Variants in ZNF578 observed in about 807,000 individuals in gnomAD.
ZNF578 encodes zinc finger protein 578.
A neutral mutation model predicts 8.3 loss-of-function variants in ZNF578; 8 were observed. That is an observed-to-expected ratio of 0.96 (90% confidence interval 0.56 to 1.74). The LOEUF (loss-of-function observed/expected upper bound fraction) is 1.74. Ranked by LOEUF, ZNF578 falls within the 40% of genes most tolerant of loss-of-function variation. The pLI is 0.00. For synonymous variants in ZNF578, 206 were observed against 232.2 expected (o/e 0.89, Z 1.03); for missense variants, 726 against 707.5 (o/e 1.03, Z -0.30).
At chr19:52,498,213 G>T (rs1194493430) in intron 3 of ZNF578, among the ~76,000 whole-genome samples, 2 of 152,090 alleles carry the variant, frequency 1.3e-5, no homozygotes, top group East Asian at 3.9e-4. Context: ...CTGGAGTGCA[G>T]TGACATGATC....
chr19:52,488,182 C>A (rs960838967), intron 2 of ZNF578, among the ~76,000 whole-genome samples: 1 of 152,024 alleles, frequency 6.6e-6, no homozygotes, highest in Admixed American at 6.5e-5. Flanking sequence ...TAACTCCCAT[C>A]CTCAAGTGAT....
intron 1 of ZNF578, 91 bp downstream of exon 1, chr19:52,453,698 C>T (rs1011376997): frequency 6.6e-6 from 1 of 152,168 alleles, no homozygotes; most frequent in African/African-American, 2.4e-5. Flanking sequence ...AAAATCCTCC[C>T]GCCGTTCCCT....
chr19:52,460,626 GTGC>G (rs2059254924), intron 2 of ZNF578, among the ~76,000 whole-genome samples: 1 of 152,158 alleles, frequency 6.6e-6, no homozygotes, highest in Non-Finnish European at 1.5e-5. Flanking sequence ...TTCCTTTGAA[GTGC>G]AAAAACTTTA....
chr19:52,471,026 A>T (rs573077292), intron 2 of ZNF578, among the ~76,000 whole-genome samples: 1 of 152,016 alleles, frequency 6.6e-6, no homozygotes, highest in South Asian at 2.1e-4. Flanking sequence ...TGTGGCACCT[A>T]CCCCCACCCA....
At position 52,510,564 on chromosome 19, in the gene ZNF578, T is replaced by G. The variant is rs775075770; in HGVS notation, c.191-8T>G. ...AATTGCAAACGTATTGGTGTTTATA[T>G]TTTGTAGATATCTCTTCCAAACGCA... On this transcript the variant is annotated splice_region_variant and splice_polypyrimidine_tract_variant and intron_variant, in intron 5 of 5. Coordinates refer to ENST00000421239, the MANE Select transcript of ZNF578 (RefSeq NM_001099694.2). 6 of 1,520,910 alleles carry G rather than the reference T, an allele frequency of 3.9e-6. No individual in the cohort carries two copies. The highest frequency in any genetic ancestry group is 5.3e-6 in the Non-Finnish European group (6 of 1,136,708). 94.2% of individuals were successfully genotyped at this position (1,520,910 alleles called of 1,614,324 possible).
At chr19:52,491,157 G>A (rs1178363360) in intron 2 of ZNF578, among the ~76,000 whole-genome samples, 167 bp from the exon 3 acceptor site, 3 of 152,046 alleles carry the variant, frequency 2.0e-5, no homozygotes, top group East Asian at 3.9e-4. Flanking sequence ...ACATGTAATC[G>A]CCCTTTATTT....
Position 52,488,496 on chromosome 19 carries a change from C to T in ZNF578, c.-121-2828C>T, listed in dbSNP as rs769266248. On this transcript the variant is annotated intron_variant, in intron 2 of 5. Transcript: ENST00000421239. ...TGGTGGCGGGCTCCTGTAGTCCCAG[C>T]TACTCAGGAGGCTGAGGCAGGAGAA... Among the ~76,000 whole-genome samples, 6 of 151,914 alleles carry T rather than the reference C, an allele frequency of 3.9e-5. 1 individual carries two copies. Among genetic ancestry groups the T allele is most frequent in the South Asian group, 2.1e-4 (1 of 4,830 alleles).
chr19:52,484,928 T>C (rs2059339709), intron 2 of ZNF578, among the ~76,000 whole-genome samples: 1 of 145,976 alleles, frequency 6.9e-6, no homozygotes, highest in South Asian at 2.3e-4. Flanking sequence ...AAAGCCTGTT[T>C]GGTGGTCTCT....
chr19:52,475,530 T>G (rs900302383), intron 2 of ZNF578, among the ~76,000 whole-genome samples: 1 of 152,102 alleles, frequency 6.6e-6, no homozygotes, highest in African/African-American at 2.4e-5. Flanking sequence ...CTAATTTTTT[T>G]GTATTTTTAG....
chr19:52,499,689 G>GTTTTTTTTTTTTTTTTTTTTTTTTTT (rs66824085), intron 3 of ZNF578, among the ~76,000 whole-genome samples: 16 of 141,590 alleles, frequency 1.1e-4, no homozygotes, highest in African/African-American at 3.2e-4. Flanking sequence ...CTTCCAAATC[G>GTTTTTTTTTTTTTTTTTTTTTTTTTT]TTTTTTTTTT....
intron 2 of ZNF578, among the ~76,000 whole-genome samples, chr19:52,477,093 A>G (rs1159211831): frequency 6.6e-6 from 1 of 152,192 alleles, no homozygotes; most frequent in Non-Finnish European, 1.5e-5. Context: ...ATTGGAGTCA[A>G]CTACTCCAGG....
chr19:52,469,089 T>C (rs1223852351), intron 2 of ZNF578, among the ~76,000 whole-genome samples: 1 of 152,106 alleles, frequency 6.6e-6, no homozygotes, highest in African/African-American at 2.4e-5. Context: ...CTTTTATATA[T>C]ACATGTATCC....
chr19:52,495,410 A>G (rs2059382399), intron 3 of ZNF578, among the ~76,000 whole-genome samples: 1 of 147,682 alleles, frequency 6.8e-6, no homozygotes. Context: ...AGATCGCACC[A>G]TTGTACTTCA....
At chr19:52,487,573 G>A (rs1179414325) in intron 2 of ZNF578, among the ~76,000 whole-genome samples, 1 of 152,134 alleles carries the variant, frequency 6.6e-6, no homozygotes, top group African/African-American at 2.4e-5. Context: ...CCTAGGATGA[G>A]GAGGGCAAGG....
chr19:52,495,386 G>C (rs934324457), intron 3 of ZNF578, among the ~76,000 whole-genome samples: 2 of 147,174 alleles, frequency 1.4e-5, no homozygotes, highest in African/African-American at 5.0e-5. Flanking sequence ...GGAGGCAGAG[G>C]TTGTGGTGAG....
chr19:52,457,626 G>T (rs1240672066), intron 2 of ZNF578: 1 of 151,934 alleles, frequency 6.6e-6, no homozygotes, highest in African/African-American at 2.4e-5. Context: ...CAGTCTTAAT[G>T]TACACAGTAG....
intron 3 of ZNF578, among the ~76,000 whole-genome samples, chr19:52,498,522 G>C (rs1334420565): frequency 6.6e-6 from 1 of 151,702 alleles, no homozygotes; most frequent in Non-Finnish European, 1.5e-5. Context: ...TAGTAGAGAC[G>C]GGCATTCACC....
chr19:52,495,533 AG>A (rs1362488644), intron 3 of ZNF578, among the ~76,000 whole-genome samples: 1 of 151,542 alleles, frequency 6.6e-6, no homozygotes, highest in African/African-American at 2.4e-5. Flanking sequence ...GAAAAGAAAC[AG>A]ATGGAGAGAG....
intron 3 of ZNF578, among the ~76,000 whole-genome samples, chr19:52,500,308 G>C (rs984183053): frequency 2.6e-5 from 4 of 152,146 alleles, no homozygotes; most frequent in Admixed American, 1.3e-4. Context: ...GTCTGGGAAG[G>C]TGGGAGAACT....
Sources: gnomAD v4.1 joint callset for allele counts (sites outside exome capture counted in the v4.1 genomes callset) on GRCh38, gnomAD v4.1.1 for gene constraint, MANE v1.5 for transcripts, NCBI Gene and HGNC (gene_info 2026-07-23, HGNC 2026-07-21) for gene names.